CLGN: variants seen among roughly 807,000 people sequenced by gnomAD.
The protein encoded by CLGN is testis tissue sperm-binding protein Li 79P.
In CLGN, 62 loss-of-function variants were observed where a neutral mutation model predicts 79.1. That is an observed-to-expected ratio of 0.78 (90% confidence interval 0.64 to 0.97). The LOEUF (loss-of-function observed/expected upper bound fraction) is 0.97, where lower values mean the gene tolerates loss of function less well. Among genes scored for constraint, CLGN ranks in the 50% least tolerant of loss-of-function variants. The pLI is 0.00. For synonymous variants in CLGN, 225 were observed against 224.7 expected, an observed-to-expected ratio of 1.00 and a Z score of -0.01; for missense variants, 647 against 715.5, an observed-to-expected ratio of 0.90 and a Z score of 1.09.
chr4:140,407,132 A>G (rs891910957), intron 4 of CLGN, among the ~76,000 whole-genome samples: 10 of 152,098 alleles, frequency 6.6e-5, no homozygotes, highest in African/African-American at 2.2e-4. Flanking sequence ...GTGTGTTTTT[A>G]TTAAGTTTCC....
intron 1 of CLGN, among the ~76,000 whole-genome samples, chr4:140,421,372 A>G (rs1560749431): frequency 6.6e-6 from 1 of 152,054 alleles, no homozygotes; most frequent in Admixed American, 6.6e-5. Context: ...GAATCCTCAT[A>G]CTGTTTTCCA....
At chr4:140,421,576 T>G (rs1465241696) in intron 1 of CLGN, among the ~76,000 whole-genome samples, 1 of 151,560 alleles carries the variant, frequency 6.6e-6, no homozygotes, top group African/African-American at 2.4e-5. Flanking sequence ...TATCTTTTCA[T>G]GTGCTTGTTG....
chr4:140,413,950 C>G (rs535939009), intron 1 of CLGN, among the ~76,000 whole-genome samples: 1 of 149,296 alleles, frequency 6.7e-6, no homozygotes, highest in Non-Finnish European at 1.5e-5. Context: ...CAGACTTAAA[C>G]GTCCCTGTCT....
At chr4:140,414,877 C>A (rs1402212647) in intron 1 of CLGN, among the ~76,000 whole-genome samples, 2 of 150,634 alleles carry the variant, frequency 1.3e-5, no homozygotes, top group Non-Finnish European at 2.9e-5. Context: ...TCGAGAAGAG[C>A]AACTCCAAGA....
chr4:140,398,739 A>T, intron 8 of CLGN, 112 bp downstream of exon 8: 1 of 835,972 alleles, frequency 1.2e-6, no homozygotes, highest in South Asian at 1.9e-5. Context: ...ACTAAAAATA[A>T]GTAGTTCTGA....
chr4:140,424,903 T>A (rs543275025), intron 1 of CLGN, among the ~76,000 whole-genome samples: 20 of 152,314 alleles, frequency 1.3e-4, no homozygotes, highest in Non-Finnish European at 2.4e-4. Context: ...TTCTTCCCAA[T>A]CTTTGAAATC....
chr4:140,405,943 G>T lies in CLGN; in HGVS notation c.418C>A (p.Gln140Lys). 1 of 1,605,946 alleles carries T rather than the reference G, an allele frequency of 6.2e-7. No homozygotes were observed. Among genetic ancestry groups the T allele is most frequent in the South Asian group, 1.1e-5 (1 of 88,626 alleles). Reference protein sequence around the residue: ...FIFADKPLIVQYEVNFQDGID... With the variant: ...FIFADKPLIVKYEVNFQDGID... ...ATTCAAAAACATAGCAACACTTACT[G>T]AACTATCAAGGGTTTATCAGCAAAA... The change falls in exon 5 of 15, where the codon CAA becomes AAA. Residue 140 changes from glutamine to lysine, a missense_variant and splice_region_variant. By Grantham distance (53) the Gln-to-Lys change is moderately conservative. Coordinates refer to ENST00000325617, the MANE Select transcript of CLGN (RefSeq NM_004362.3).
chr4:140,392,157 C>T, intron 13 of CLGN, 62 bp downstream of exon 13: 3 of 1,540,392 alleles, frequency 1.9e-6, no homozygotes, highest in Non-Finnish European at 2.7e-6. Context: ...TATTTCAAGG[C>T]CATATACAGT....
At chr4:140,416,020 T>C (rs1404967341) in intron 1 of CLGN, among the ~76,000 whole-genome samples, 1 of 53,988 alleles carries the variant, frequency 1.9e-5, no homozygotes, top group Non-Finnish European at 3.4e-5. Flanking sequence ...CACAGTGCAA[T>C]CAAACTAGAA....
At chr4:140,410,776 C>G (rs757488710) in intron 2 of CLGN, 150 bp from the exon 3 acceptor site, 2 of 579,838 alleles carry the variant, frequency 3.4e-6, no homozygotes, top group Non-Finnish European at 6.1e-6. Flanking sequence ...AAACTTTGTA[C>G]CTAGTAATGA....
At chr4:140,410,657 ATTCATT>A (rs1364699282) in intron 2 of CLGN, 31 bp from the exon 3 acceptor site, 3 of 1,279,784 alleles carry the variant, frequency 2.3e-6, no homozygotes, top group Non-Finnish European at 3.4e-6. Flanking sequence ...GTCTAAAGTT[ATTCATT>A]TTCACAAATA....
intron 1 of CLGN, among the ~76,000 whole-genome samples, chr4:140,414,364 A>G (rs1003803480): frequency 1.1e-4 from 16 of 151,478 alleles, no homozygotes; most frequent in African/African-American, 3.6e-4. Context: ...GACTTTGACG[A>G]GCTGAGAGAA....
At position 140,410,548 on chromosome 4, in the gene CLGN, C is replaced by A; in HGVS notation, c.218+5G>T. 6.3e-7 allele frequency: 1 copy of A among 1,583,070 alleles called. No homozygotes were observed. On this transcript the variant is annotated splice_donor_5th_base_variant and intron_variant, in intron 3 of 14. Coordinates refer to ENST00000325617, the MANE Select transcript of CLGN (RefSeq NM_004362.3). ...AAGAAAACATTCTCTTGAATGAATA[C>A]TCACCCAGCCAACCTTCCACTATCA... is the stretch of plus-strand genomic sequence containing the variant.
rs1211201765 is a variant in CLGN, at chr4:140,400,348, AG to A, written c.694+8del. On this transcript the variant is annotated splice_region_variant and intron_variant, in intron 7 of 14. Transcript: ENST00000325617. ...TTTTTGAATACATGAATGAATTAAA[AG>A]GGTATACCAAGGGTATAAAGATGAG... 14 of 1,551,370 alleles carry A rather than the reference AG, an allele frequency of 9.0e-6. No homozygotes were observed. The highest frequency in any genetic ancestry group is 1.2e-5 in the Non-Finnish European group (14 of 1,138,396).
At chr4:140,411,971 A>G (rs977015427) in intron 2 of CLGN, among the ~76,000 whole-genome samples, 1 of 152,130 alleles carries the variant, frequency 6.6e-6, no homozygotes, top group Non-Finnish European at 1.5e-5. Flanking sequence ...TCAAAGTATC[A>G]CCAAATAAGT....
rs1291338389 is a variant in CLGN, at chr4:140,402,005, C to T, written c.481G>A (p.Asp161Asn). 6.4e-7 allele frequency: 1 copy of T among 1,570,538 alleles called. No homozygotes were observed. The highest frequency in any genetic ancestry group is 8.7e-7 in the Non-Finnish European group (1 of 1,152,710). Residue 161 changes from aspartate to asparagine, a missense_variant, in exon 6 of 15, where the codon GAC becomes AAC. Coordinates refer to ENST00000325617, the MANE Select transcript of CLGN (RefSeq NM_004362.3). The stretch of plus-strand genomic sequence containing the variant: ...CATACCAGAATCAAATCATCAGTGT[C>T]TGCTAGGAGTTTAATGTATGCACCT... ...CGGAYIKLLA[D>N]TDDLILENFY... is the part of the protein sequence containing the mutation.
intron 5 of CLGN, among the ~76,000 whole-genome samples, chr4:140,405,038 A>G (rs2126623820): frequency 6.6e-6 from 1 of 152,264 alleles, no homozygotes; most frequent in East Asian, 1.9e-4. Flanking sequence ...CCTGCTTGAA[A>G]GACACTGGTA....
At chr4:140,392,798 A>G in intron 11 of CLGN, 87 bp from the exon 12 acceptor site, 1 of 1,299,340 alleles carries the variant, frequency 7.7e-7, no homozygotes. Context: ...TTATTTACTC[A>G]GGCATTTTAC....
chr4:140,397,028 A>G (rs1054580578), intron 8 of CLGN, among the ~76,000 whole-genome samples: 10 of 150,326 alleles, frequency 6.7e-5, no homozygotes, highest in African/African-American at 2.4e-4. Flanking sequence ...GAGGACATTT[A>G]GTGTTTCCAA....
Sources: gnomAD v4.1 joint callset for allele counts (sites outside exome capture counted in the v4.1 genomes callset) on GRCh38, gnomAD v4.1.1 for gene constraint, MANE v1.5 for transcripts, NCBI Gene and HGNC (gene_info 2026-07-23, HGNC 2026-07-21) for gene names.